Variants in MEAK7 observed in about 807,000 individuals in gnomAD.
MEAK7 encodes the protein MTOR associated protein MEAK7, also known as MTOR-associated protein MEAK7.
Under a neutral mutation model 40.5 loss-of-function variants are expected in MEAK7, and 68 were observed. That is an observed-to-expected ratio of 1.68 (90% CI 1.38 to 2.06). The LOEUF is 2.06. MEAK7 is among the 30% of genes most tolerant of loss of function. MEAK7 has a pLI of 0.00. For missense variants in MEAK7, 918 were observed against 580.5 expected, an observed-to-expected ratio of 1.58 and a Z score of -5.98; for synonymous variants, 338 against 231.9, an observed-to-expected ratio of 1.46 and a Z score of -4.16.
chr16:84,483,118 G>T (rs1912723724), intron 5 of MEAK7, among the ~76,000 whole-genome samples: 1 of 152,228 alleles, frequency 6.6e-6, no homozygotes, highest in African/African-American at 2.4e-5. Context: ...GGCAAGTGAC[G>T]CTGCGTAGTG....
intron 3 of MEAK7, among the ~76,000 whole-genome samples, chr16:84,491,399 T>C (rs11642514): frequency 0.43 from 65,030 of 151,544 alleles, 14,626 homozygotes; most frequent in South Asian, 0.6. Context: ...ATTAACCAGG[T>C]ATGGTGACAC....
intron 5 of MEAK7, among the ~76,000 whole-genome samples, 189 bp from the exon 6 acceptor site, chr16:84,482,899 G>T (rs1190365297): frequency 6.6e-6 from 1 of 152,160 alleles, no homozygotes; most frequent in Non-Finnish European, 1.5e-5. Context: ...GGGGATGCAG[G>T]GATTAGAGGG....
intron 6 of MEAK7, among the ~76,000 whole-genome samples, chr16:84,482,383 C>A (rs761693323): frequency 6.6e-6 from 1 of 152,212 alleles, no homozygotes; most frequent in African/African-American, 2.4e-5. Flanking sequence ...GAAGCCCCAG[C>A]AGAGGCCACA....
At chr16:84,499,227 A>G (rs751009636) in intron 1 of MEAK7, among the ~76,000 whole-genome samples, 5 of 152,224 alleles carry the variant, frequency 3.3e-5, no homozygotes, top group Non-Finnish European at 5.9e-5. Flanking sequence ...GCATGGTTGG[A>G]AATGAAAACA....
rs1264199036 is a variant in MEAK7 at position 84,478,482 on chromosome 16, C to T, written c.*1431G>A. ...TGGCTTATAATCAAGGCAAACTATACAATAAGAGGTTGTATTTTCATCAGA... is the reference window on the plus strand; with the variant it reads ...TGGCTTATAATCAAGGCAAACTATATAATAAGAGGTTGTATTTTCATCAGA... On this transcript the variant is annotated 3_prime_UTR_variant, in exon 8 of 8. Coordinates refer to ENST00000343629, the MANE Select transcript of MEAK7 (RefSeq NM_020947.4). 3 of 152,210 alleles carry T rather than the reference C, an allele frequency of 2.0e-5. No individual in the cohort carries two copies. The highest frequency in any genetic ancestry group is 4.4e-5 in the Non-Finnish European group (3 of 68,052). The allele number at this position is 152,210 out of a possible 1,614,324, so 9.4% of individuals were successfully genotyped here. A position where few individuals can be genotyped will look rare whatever the true frequency, so the allele number is the denominator to read the frequency against.
chr16:84,493,463 T>C (rs1366473570), intron 3 of MEAK7, among the ~76,000 whole-genome samples: 1 of 152,240 alleles, frequency 6.6e-6, no homozygotes, highest in Non-Finnish European at 1.5e-5. Flanking sequence ...AAGAAGTTAA[T>C]TGCGTGGACC....
rs1379415518 is a variant in MEAK7 at position 84,477,049 on chromosome 16, G to A, written c.*2864C>T. 1.3e-5 allele frequency: 2 copies of A among 152,064 alleles called. No homozygotes were observed. Among genetic ancestry groups the A allele is most frequent in the African/African-American group, 4.8e-5 (2 of 41,344 alleles). 9.4% of individuals were successfully genotyped at this position (152,064 alleles called of 1,614,324 possible). Reference sequence around the variant, plus strand: ...TAGGACCACAGGCATGTGTTACCATGCCTGGTTAATTTTCGTATTTTTTTT... The same window carrying A: ...TAGGACCACAGGCATGTGTTACCATACCTGGTTAATTTTCGTATTTTTTTT... On this transcript the variant is annotated 3_prime_UTR_variant, in exon 8 of 8. Coordinates refer to ENST00000343629, the MANE Select transcript of MEAK7 (RefSeq NM_020947.4).
At chr16:84,485,842 C>T (rs893896966) in intron 5 of MEAK7, among the ~76,000 whole-genome samples, 12 of 152,106 alleles carry the variant, frequency 7.9e-5, no homozygotes, top group African/African-American at 2.7e-4. Context: ...CCACCACACC[C>T]ATCTAATTTG....
At position 84,477,044 on chromosome 16, in the gene MEAK7, A is replaced by C. The variant is rs540837215; in HGVS notation, c.*2869T>G. On this transcript the variant is annotated 3_prime_UTR_variant, in exon 8 of 8. Coordinates refer to ENST00000343629, the MANE Select transcript of MEAK7 (RefSeq NM_020947.4). ...GTAGCTAGGACCACAGGCATGTGTT[A>C]CCATGCCTGGTTAATTTTCGTATTT... 4 of 152,098 alleles carry C rather than the reference A, an allele frequency of 2.6e-5. No homozygotes were observed. The highest frequency in any genetic ancestry group is 9.7e-5 in the African/African-American group (4 of 41,416). The allele number at this position is 152,098 out of a possible 1,614,324, so 9.4% of individuals were successfully genotyped here.
chr16:84,494,651 G>A (rs1463827549), intron 3 of MEAK7: 4 of 339,108 alleles, frequency 1.2e-5, no homozygotes, highest in Middle Eastern at 3.9e-4. Flanking sequence ...TTTGTTTGTT[G>A]TTTTTCTCTC....
chr16:84,482,516 G>T (rs1039276516), intron 6 of MEAK7, 76 bp downstream of exon 6: 49 of 1,609,358 alleles, frequency 3.0e-5, no homozygotes, highest in Non-Finnish European at 1.4e-5. Flanking sequence ...CTGATCTGTG[G>T]AGCTGAGCCT....
rs557421804 is a variant in MEAK7, at chr16:84,487,500, G to A, written c.530-441C>T. ...CTCGAGATGGCAGTGCCCTGGCAAT[G>A]GGGCTGGAATAAATGCCTGAGCTAC... On this transcript the variant is annotated intron_variant, in intron 4 of 7. Transcript: ENST00000343629. The A allele has an allele frequency of 4.3e-4, 69 of 161,208 alleles. No individual in the cohort carries two copies. In the South Asian group the frequency reaches 0.011, roughly 26 times the overall value. The allele number at this position is 161,208 out of a possible 1,614,324, so 10.0% of individuals were successfully genotyped here.
intron 5 of MEAK7, among the ~76,000 whole-genome samples, chr16:84,483,273 T>C (rs1567488540): frequency 1.3e-5 from 2 of 152,042 alleles, no homozygotes; most frequent in African/African-American, 2.4e-5. Flanking sequence ...AAAAGAAAGG[T>C]ACCAGTCAAA....
intron 2 of MEAK7, among the ~76,000 whole-genome samples, chr16:84,496,273 T>C (rs1914043046): frequency 6.6e-6 from 1 of 152,136 alleles, no homozygotes; most frequent in Admixed American, 6.5e-5. Context: ...AGGGCCAGCT[T>C]TTTCATGGGC....
intron 6 of MEAK7, among the ~76,000 whole-genome samples, chr16:84,481,514 C>G (rs1393121133): frequency 1.3e-5 from 2 of 152,198 alleles, no homozygotes; most frequent in African/African-American, 2.4e-5. Flanking sequence ...TCTAGGTGGC[C>G]TGGCCACGCC....
chr16:84,489,049 G>C (rs1201625143), intron 4 of MEAK7, among the ~76,000 whole-genome samples: 1 of 152,194 alleles, frequency 6.6e-6, no homozygotes, highest in African/African-American at 2.4e-5. Flanking sequence ...AGAGGAAAAA[G>C]GGACAAGAGA....
intron 3 of MEAK7, among the ~76,000 whole-genome samples, chr16:84,492,282 C>T (rs1200060470): frequency 6.6e-6 from 1 of 152,122 alleles, no homozygotes; most frequent in African/African-American, 2.4e-5. Context: ...TGGAGCATAA[C>T]CCACCTTTTC....
intron 1 of MEAK7, among the ~76,000 whole-genome samples, chr16:84,500,969 C>A (rs550921699): frequency 1.3e-5 from 2 of 152,150 alleles, no homozygotes; most frequent in East Asian, 3.9e-4. Flanking sequence ...GTGCTGTGCA[C>A]CTGTAATCCC....
intron 6 of MEAK7, among the ~76,000 whole-genome samples, chr16:84,481,978 G>T (rs1174593822): frequency 1.3e-5 from 2 of 152,160 alleles, no homozygotes; most frequent in African/African-American, 2.4e-5. Flanking sequence ...AGCAGCAGAG[G>T]AAAGAAATCA....
Sources: gnomAD v4.1 joint callset for allele counts (sites outside exome capture counted in the v4.1 genomes callset) on GRCh38, gnomAD v4.1.1 for gene constraint, MANE v1.5 for transcripts, NCBI Gene and HGNC (gene_info 2026-07-23, HGNC 2026-07-21) for gene names.